Variants in NARS2 observed in about 807,000 individuals in gnomAD.
NARS2 encodes asparaginyl-tRNA synthetase 2, mitochondrial.
A neutral mutation model predicts 62.9 loss-of-function variants in NARS2; 60 were observed. That is an observed-to-expected ratio of 0.95 (90% confidence interval 0.77 to 1.18). The LOEUF (loss-of-function observed/expected upper bound fraction) is 1.18. Among genes scored for constraint, NARS2 ranks in the 50% most tolerant of loss-of-function variants. NARS2 has a pLI of 0.00. For missense variants in NARS2, 619 were observed against 576.4 expected (o/e 1.07, Z -0.76); for synonymous variants, 196 against 200.0 (o/e 0.98, Z 0.17).
At chr11:78,525,379 C>A (rs370514663) in intron 6 of NARS2, among the ~76,000 whole-genome samples, 1 of 151,942 alleles carries the variant, frequency 6.6e-6, no homozygotes, top group Non-Finnish European at 1.5e-5. Context: ...ACAAACAAAG[C>A]TGAGGCATCT....
chr11:78,451,178 A>G (rs904806061), intron 11 of NARS2, among the ~76,000 whole-genome samples: 5 of 152,258 alleles, frequency 3.3e-5, no homozygotes, highest in African/African-American at 1.2e-4. Flanking sequence ...ATAAAGACAC[A>G]TTTTGAATAC....
At chr11:78,550,871 C>T (rs1393729284) in intron 5 of NARS2, among the ~76,000 whole-genome samples, 1 of 152,010 alleles carries the variant, frequency 6.6e-6, no homozygotes, top group Non-Finnish European at 1.5e-5. Flanking sequence ...AATCAATAAA[C>T]AAAACATGAT....
At chr11:78,493,379 A>C (rs935692620) in intron 6 of NARS2, among the ~76,000 whole-genome samples, 184 bp from the exon 7 acceptor site, 1 of 152,236 alleles carries the variant, frequency 6.6e-6, no homozygotes, top group Non-Finnish European at 1.5e-5. Context: ...TAAAAATGTT[A>C]CATTGAGGCT....
intron 11 of NARS2, among the ~76,000 whole-genome samples, chr11:78,458,922 TTTGTTTG>T (rs1858275671): frequency 6.6e-6 from 1 of 151,066 alleles, no homozygotes; most frequent in Non-Finnish European, 1.5e-5. Context: ...TTTTTGTTTG[TTTGTTTG>T]TTTTTTTGAG....
chr11:78,558,509 TAAAGA>T (rs1301052833), intron 5 of NARS2: 1 of 152,166 alleles, frequency 6.6e-6, no homozygotes, highest in African/African-American at 2.4e-5. Flanking sequence ...ATCTTAAAGA[TAAAGA>T]AATCAGTAAA....
At chr11:78,437,071 TATTTATGC>T (rs1857432373) in intron 13 of NARS2, among the ~76,000 whole-genome samples, 1 of 152,206 alleles carries the variant, frequency 6.6e-6, no homozygotes, top group Non-Finnish European at 1.5e-5. Context: ...TAAGCTATTA[TATTTATGC>T]ATTTATGACA....
chr11:78,460,012 TGAA>T lies in NARS2; in HGVS notation c.1164+5861_1164+5863del, dbSNP rs200820003. Among the ~76,000 whole-genome samples the T allele has an allele frequency of 3.8e-3, 586 of 152,266 alleles. 16 individuals carry two copies. Among genetic ancestry groups the T allele is most frequent in the Admixed American group, 0.023 (353 of 15,290 alleles). The stretch of plus-strand genomic sequence containing the variant: ...ACATCAGTAAGCAAAATTATTTAGA[TGAA>T]GAAGACTGTTCTAGATTGAAGGAAT... On this transcript the variant is annotated intron_variant, in intron 11 of 13. Coordinates refer to ENST00000281038, the MANE Select transcript of NARS2 (RefSeq NM_024678.6).
chr11:78,553,160 G>T (rs1856190138), intron 5 of NARS2, among the ~76,000 whole-genome samples: 1 of 152,084 alleles, frequency 6.6e-6, no homozygotes, highest in Non-Finnish European at 1.5e-5. Flanking sequence ...TGACTGGTGT[G>T]AGATGGTATC....
intron 9 of NARS2, among the ~76,000 whole-genome samples, chr11:78,473,220 A>G (rs1858948980): frequency 6.6e-6 from 1 of 152,210 alleles, no homozygotes; most frequent in African/African-American, 2.4e-5. Flanking sequence ...TTCAAACAAC[A>G]AAAGGACTAA....
chr11:78,466,573 C>T (rs7945881), intron 10 of NARS2, among the ~76,000 whole-genome samples: 31,595 of 151,920 alleles, frequency 0.21, 3,655 homozygotes, highest in East Asian at 0.42. Flanking sequence ...CTCTGTCTCC[C>T]GGGTTCAAGT....
intron 6 of NARS2, among the ~76,000 whole-genome samples, chr11:78,502,561 G>A (rs1022935516): frequency 5.9e-5 from 9 of 152,164 alleles, no homozygotes; most frequent in Admixed American, 1.3e-4. Context: ...ACATAACAGA[G>A]AACAACTGCT....
At chr11:78,514,217 G>A (rs1270372203) in intron 6 of NARS2, among the ~76,000 whole-genome samples, 1 of 152,120 alleles carries the variant, frequency 6.6e-6, no homozygotes, top group African/African-American at 2.4e-5. Context: ...CGACCTCCTG[G>A]ACTCAATAAA....
intron 9 of NARS2, among the ~76,000 whole-genome samples, chr11:78,477,503 C>A (rs1019228365): frequency 1.3e-5 from 2 of 152,184 alleles, no homozygotes; most frequent in Non-Finnish European, 2.9e-5. Context: ...TTTGTTCTAT[C>A]TCTAAAATAT....
chr11:78,452,089 C>A (rs1283619337), intron 11 of NARS2, among the ~76,000 whole-genome samples: 1 of 151,876 alleles, frequency 6.6e-6, no homozygotes. Flanking sequence ...AACTATGATT[C>A]TTTTTTTAAA....
At chr11:78,496,366 T>G (rs969990352) in intron 6 of NARS2, among the ~76,000 whole-genome samples, 2 of 152,164 alleles carry the variant, frequency 1.3e-5, no homozygotes, top group African/African-American at 2.4e-5. Context: ...GACAAGAACC[T>G]TAGAGTTAAT....
At chr11:78,487,154 G>A (rs1053581889) in intron 7 of NARS2, among the ~76,000 whole-genome samples, 1 of 151,964 alleles carries the variant, frequency 6.6e-6, no homozygotes, top group East Asian at 1.9e-4. Flanking sequence ...TCAGGAGTTT[G>A]AGACCAGCCC....
chr11:78,569,621 T>C (rs926245097), intron 2 of NARS2, among the ~76,000 whole-genome samples: 6 of 152,240 alleles, frequency 3.9e-5, no homozygotes, highest in Non-Finnish European at 5.9e-5. Flanking sequence ...TATATGCTAT[T>C]CTTATATAAT....
At chr11:78,520,937 A>G (rs1182803103) in intron 6 of NARS2, among the ~76,000 whole-genome samples, 2 of 151,856 alleles carry the variant, frequency 1.3e-5, no homozygotes, top group Admixed American at 6.6e-5. Context: ...GGACACCTGT[A>G]ATCCCAGCTA....
At chr11:78,486,386 G>A (rs1047216114) in intron 7 of NARS2, among the ~76,000 whole-genome samples, 2 of 152,102 alleles carry the variant, frequency 1.3e-5, no homozygotes, top group South Asian at 2.1e-4. Flanking sequence ...CATAAGGCTA[G>A]GGCTCACCTC....
Sources: gnomAD v4.1 joint callset for allele counts (sites outside exome capture counted in the v4.1 genomes callset) on GRCh38, gnomAD v4.1.1 for gene constraint, MANE v1.5 for transcripts, NCBI Gene and HGNC (gene_info 2026-07-23, HGNC 2026-07-21) for gene names.